Variants in UXS1 observed in about 807,000 individuals in gnomAD.
The protein encoded by UXS1 is UDP-glucuronate decarboxylase 1, also known as UDP-glucuronic acid decarboxylase 1.
A neutral mutation model predicts 62.6 loss-of-function variants in UXS1; 33 were observed. The observed-to-expected ratio is 0.53, with a 90% confidence interval of 0.40 to 0.70. UXS1 has a LOEUF of 0.70. Ranked by LOEUF, UXS1 falls within the 30% of genes least tolerant of loss-of-function variation. The probability of loss-of-function intolerance (pLI) is 0.00; values close to 1 mark genes in which losing one functional copy is unlikely to be tolerated. For missense variants in UXS1, 434 were observed against 556.3 expected (o/e 0.78, Z 2.21); for synonymous variants, 213 against 206.8 (o/e 1.03, Z -0.26).
intron 6 of UXS1, among the ~76,000 whole-genome samples, chr2:106,137,304 A>G (rs1680738924): frequency 6.6e-6 from 1 of 152,210 alleles, no homozygotes; most frequent in African/African-American, 2.4e-5. Context: ...TTCTAAGGCC[A>G]AGCTATCTTT....
At chr2:106,096,686 C>A in intron 14 of UXS1, 32 bp downstream of exon 14, 1 of 1,525,478 alleles carries the variant, frequency 6.6e-7, no homozygotes, top group Non-Finnish European at 8.8e-7. Context: ...GAGGCCCCTC[C>A]CCACAAGGCA....
intron 5 of UXS1, among the ~76,000 whole-genome samples, chr2:106,156,150 G>A (rs1476715525): frequency 1.3e-5 from 2 of 152,006 alleles, no homozygotes; most frequent in Non-Finnish European, 2.9e-5. Context: ...TACCTGATAA[G>A]AAACTTGAAT....
intron 12 of UXS1, among the ~76,000 whole-genome samples, chr2:106,099,996 T>C (rs1201694750): frequency 6.6e-6 from 1 of 152,188 alleles, no homozygotes; most frequent in Non-Finnish European, 1.5e-5. Context: ...AAGACATGCA[T>C]AAGCAAAGGT....
At chr2:106,167,113 T>C (rs1175973489) in intron 1 of UXS1, among the ~76,000 whole-genome samples, 1 of 152,182 alleles carries the variant, frequency 6.6e-6, no homozygotes, top group African/African-American at 2.4e-5. Context: ...CTTCAGTAAA[T>C]GTGTATAAGT....
intron 7 of UXS1, 117 bp downstream of exon 7, chr2:106,129,557 T>G: frequency 1.2e-6 from 1 of 867,066 alleles, no homozygotes. Context: ...AGCAGGGCAA[T>G]AAGGGACGAG....
intron 1 of UXS1, among the ~76,000 whole-genome samples, chr2:106,188,131 C>A (rs1184085335): frequency 6.7e-6 from 1 of 149,262 alleles, no homozygotes; most frequent in Non-Finnish European, 1.5e-5. Flanking sequence ...TCTTTGATTT[C>A]TTTTCTTTTT....
At chr2:106,118,046 G>T (rs976702522) in intron 9 of UXS1, among the ~76,000 whole-genome samples, 3 of 152,214 alleles carry the variant, frequency 2.0e-5, no homozygotes, top group Non-Finnish European at 2.9e-5. Flanking sequence ...CAGGCCAGGA[G>T]GGGTGGATAT....
intron 8 of UXS1, among the ~76,000 whole-genome samples, chr2:106,124,242 C>T (rs563753504): frequency 6.6e-6 from 1 of 152,296 alleles, no homozygotes; most frequent in South Asian, 2.1e-4. Flanking sequence ...GCTGGGCAAG[C>T]TACCCTCCAA....
intron 1 of UXS1, among the ~76,000 whole-genome samples, chr2:106,170,978 TAAGTA>T (rs894838346): frequency 5.1e-4 from 78 of 152,366 alleles, no homozygotes; most frequent in African/African-American, 1.8e-3. Context: ...GAATCAATAT[TAAGTA>T]AAGTAAGTAT....
intron 5 of UXS1, 98 bp downstream of exon 5, chr2:106,157,960 T>A (rs1682574275): frequency 9.2e-7 from 1 of 1,085,560 alleles, no homozygotes; most frequent in Middle Eastern, 2.9e-4. Context: ...CTGAATCGTA[T>A]CTTTGAGAAG....
intron 1 of UXS1, among the ~76,000 whole-genome samples, chr2:106,190,276 G>A (rs1216508685): frequency 2.0e-5 from 3 of 152,124 alleles, no homozygotes; most frequent in African/African-American, 4.8e-5. Context: ...GATGAGCTCC[G>A]TGAGATTATA....
intron 10 of UXS1, among the ~76,000 whole-genome samples, chr2:106,106,963 A>G (rs1355394198): frequency 6.6e-6 from 1 of 152,210 alleles, no homozygotes; most frequent in Non-Finnish European, 1.5e-5. Context: ...TATTGTGTTC[A>G]TAATTTCAGA....
chr2:106,107,172 C>T (rs907209705), intron 10 of UXS1, among the ~76,000 whole-genome samples: 8 of 152,252 alleles, frequency 5.3e-5, no homozygotes, highest in South Asian at 2.1e-4. Context: ...CAAAGCTGAG[C>T]GCACAGATGC....
intron 5 of UXS1, among the ~76,000 whole-genome samples, chr2:106,148,964 G>C (rs865824304): frequency 9.2e-5 from 14 of 152,138 alleles, no homozygotes; most frequent in African/African-American, 3.1e-4. Flanking sequence ...GGTGCCAATA[G>C]GCAGCTAAAG....
At chr2:106,191,474 G>A (rs745682101) in intron 1 of UXS1, among the ~76,000 whole-genome samples, 1 of 152,222 alleles carries the variant, frequency 6.6e-6, no homozygotes, top group Non-Finnish European at 1.5e-5. Flanking sequence ...TCCCTGCAGA[G>A]TGGCTCAGAC....
intron 11 of UXS1, 67 bp downstream of exon 11, chr2:106,104,727 C>A: frequency 6.3e-7 from 1 of 1,587,036 alleles, no homozygotes; most frequent in Admixed American, 1.7e-5. Context: ...ACTGAACTGT[C>A]TGTCAAGTTG....
intron 9 of UXS1, among the ~76,000 whole-genome samples, chr2:106,118,456 G>T (rs2104906588): frequency 6.6e-6 from 1 of 152,232 alleles, no homozygotes; most frequent in Non-Finnish European, 1.5e-5. Flanking sequence ...CTCATGAGGG[G>T]GCGAACTCAA....
At chr2:106,176,322 G>A (rs921616793) in intron 1 of UXS1, among the ~76,000 whole-genome samples, 4 of 152,180 alleles carry the variant, frequency 2.6e-5, no homozygotes, top group Admixed American at 2.6e-4. Flanking sequence ...AAACCCTGAG[G>A]TGGCACAACT....
At chr2:106,171,657 G>C (rs1184238057) in intron 1 of UXS1, among the ~76,000 whole-genome samples, 3 of 152,184 alleles carry the variant, frequency 2.0e-5, no homozygotes, top group Non-Finnish European at 4.4e-5. Context: ...TCCAGATCTG[G>C]GTAGCAATTT....
Sources: gnomAD v4.1 joint callset for allele counts (sites outside exome capture counted in the v4.1 genomes callset) on GRCh38, gnomAD v4.1.1 for gene constraint, MANE v1.5 for transcripts, NCBI Gene and HGNC (gene_info 2026-07-23, HGNC 2026-07-21) for gene names.